LAMB4: variants seen among roughly 807,000 people sequenced by gnomAD.
The protein encoded by LAMB4 is laminin subunit beta 4.
In LAMB4, 196 loss-of-function variants were observed where a neutral mutation model predicts 199.2. That is an observed-to-expected ratio of 0.98 (90% CI 0.88 to 1.11). The LOEUF (loss-of-function observed/expected upper bound fraction) is 1.11, where lower values mean the gene tolerates loss of function less well. Among genes scored for constraint, LAMB4 ranks in the 50% least tolerant of loss-of-function variants. The probability of loss-of-function intolerance (pLI) is 0.00; values close to 1 mark genes in which losing one functional copy is unlikely to be tolerated. For synonymous variants in LAMB4, 744 were observed against 770.6 expected (o/e 0.97, Z 0.57); for missense variants, 2,080 against 2,171.2 (o/e 0.96, Z 0.83).
chr7:108,115,769 A>G (rs550908344), intron 3 of LAMB4, among the ~76,000 whole-genome samples: 1 of 152,344 alleles, frequency 6.6e-6, no homozygotes, highest in African/African-American at 2.4e-5. Flanking sequence ...GGTAGGTTAC[A>G]TGTAAATACT....
At chr7:108,095,430 G>T (rs557792837) in intron 11 of LAMB4, 93 bp from the exon 12 acceptor site, 13 of 903,104 alleles carry the variant, frequency 1.4e-5, no homozygotes, top group South Asian at 4.4e-5. Context: ...AAGCATAACC[G>T]CAAGAACACA....
intron 12 of LAMB4, 150 bp downstream of exon 12, chr7:108,095,078 T>C: frequency 3.3e-6 from 2 of 614,084 alleles, no homozygotes; most frequent in Non-Finnish European, 5.7e-6. Context: ...AGGTAGTGTT[T>C]GCTGATTTCT....
At chr7:108,118,313 G>A (rs956358366) in intron 2 of LAMB4, among the ~76,000 whole-genome samples, 4 of 152,006 alleles carry the variant, frequency 2.6e-5, no homozygotes, top group African/African-American at 9.7e-5. Flanking sequence ...AGAGGACCTA[G>A]AATGGCTAAA....
the LAMB4 span, among the ~76,000 whole-genome samples, chr7:108,012,161 A>G: frequency 6.6e-6 from 1 of 152,036 alleles, no homozygotes; most frequent in Admixed American, 6.5e-5. Context: ...TATAAATAAA[A>G]TATAAACATA....
intron 23 of LAMB4, among the ~76,000 whole-genome samples, chr7:108,058,594 A>G (rs1461326808): frequency 6.6e-6 from 1 of 152,182 alleles, no homozygotes; most frequent in Non-Finnish European, 1.5e-5. Flanking sequence ...ACAACTCCGT[A>G]AGTTTCCTGT....
At chr7:108,026,104 C>T (rs1338550571) in intron 33 of LAMB4, among the ~76,000 whole-genome samples, 9 of 152,168 alleles carry the variant, frequency 5.9e-5, no homozygotes, top group Admixed American at 6.5e-5. Flanking sequence ...GCTCTGGTAA[C>T]GTTCCTGCTT....
chr7:108,094,609 G>A (rs1276834199), intron 12 of LAMB4, among the ~76,000 whole-genome samples: 3 of 150,986 alleles, frequency 2.0e-5, no homozygotes, highest in African/African-American at 7.3e-5. Context: ...ATGTCATGGT[G>A]AGCTGCCAAG....
intron 31 of LAMB4, among the ~76,000 whole-genome samples, chr7:108,031,917 T>G (rs2035053255): frequency 6.6e-6 from 1 of 152,230 alleles, no homozygotes; most frequent in African/African-American, 2.4e-5. Flanking sequence ...TAAATATTTT[T>G]CAAATATAGC....
intron 16 of LAMB4, 93 bp downstream of exon 16, chr7:108,078,108 C>A (rs1458909228): frequency 2.4e-5 from 19 of 802,782 alleles, no homozygotes; most frequent in Non-Finnish European, 3.4e-5. Context: ...TTCAGACCTC[C>A]TCTTTCTCCA....
At chr7:108,093,958 C>G (rs1198575421) in intron 12 of LAMB4, among the ~76,000 whole-genome samples, 1 of 152,216 alleles carries the variant, frequency 6.6e-6, no homozygotes, top group Non-Finnish European at 1.5e-5. Flanking sequence ...GGAACTGCTT[C>G]CCACAGGATG....
chr7:108,055,900 G>C lies in LAMB4; in HGVS notation c.3487C>G (p.Arg1163Gly). Reference protein sequence around the residue: ...VSGQRCDRCARGHSQEFPTCL... With the variant: ...VSGQRCDRCAGGHSQEFPTCL... ...GTAGGGAATTCCTGGCTGTGTCCCC[G>C]GGCACAGCGATCACATCTCTGGCCG... Residue 1163 changes from arginine (R) to glycine (G), a missense_variant, in exon 25 of 34, where the codon CGG becomes GGG. Coordinates refer to ENST00000388781, the MANE Select transcript of LAMB4 (RefSeq NM_007356.3). 1.9e-6 allele frequency: 3 copies of C among 1,614,136 alleles called. No individual in the cohort carries two copies. The highest frequency in any genetic ancestry group is 2.5e-6 in the Non-Finnish European group (3 of 1,180,030).
chr7:108,086,473 A>T (rs1159016550), intron 14 of LAMB4, among the ~76,000 whole-genome samples: 6 of 152,172 alleles, frequency 3.9e-5, no homozygotes, highest in Non-Finnish European at 8.8e-5. Flanking sequence ...ACTGAAAAAA[A>T]TTTCACAAAA....
chr7:108,101,523 C>A (rs1404210456), intron 10 of LAMB4, among the ~76,000 whole-genome samples: 1 of 152,170 alleles, frequency 6.6e-6, no homozygotes, highest in Non-Finnish European at 1.5e-5. Context: ...AGTCTTTTGT[C>A]TTTGGCCCAA....
the LAMB4 span, among the ~76,000 whole-genome samples, chr7:108,014,705 T>G: frequency 6.6e-6 from 1 of 151,044 alleles, no homozygotes; most frequent in African/African-American, 2.5e-5. Context: ...GATTGAAGAC[T>G]AGAACTGGTT....
intron 6 of LAMB4, among the ~76,000 whole-genome samples, chr7:108,106,896 G>C (rs2038038852): frequency 1.3e-5 from 2 of 152,110 alleles, no homozygotes; most frequent in South Asian, 4.1e-4. Context: ...AAGAGACCCT[G>C]ATCTTACAAG....
At chr7:108,018,472 T>G in the LAMB4 span, among the ~76,000 whole-genome samples, 15 of 152,032 alleles carry the variant, frequency 9.9e-5, no homozygotes, top group South Asian at 6.3e-4. Flanking sequence ...AGGCGCGGTG[T>G]CTCATGCCTG....
At chr7:108,076,035 T>G (rs1393287646) in intron 17 of LAMB4, 2 of 153,438 alleles carry the variant, frequency 1.3e-5, no homozygotes, top group East Asian at 1.9e-4. Context: ...CATAACACCT[T>G]AGGTAAAGTA....
chr7:108,121,452 A>C (rs528775331), intron 2 of LAMB4, among the ~76,000 whole-genome samples: 1 of 152,324 alleles, frequency 6.6e-6, no homozygotes, highest in East Asian at 1.9e-4. Context: ...TGGGTGAGAA[A>C]AAATACCAAG....
intron 2 of LAMB4, among the ~76,000 whole-genome samples, chr7:108,116,480 A>G (rs576667408): frequency 1.3e-5 from 2 of 152,232 alleles, no homozygotes; most frequent in South Asian, 4.1e-4. Flanking sequence ...CGAGAATAAT[A>G]CACTTGAAAG....
Sources: allele counts gnomAD v4.1 joint callset (sites outside exome capture counted in the v4.1 genomes callset), GRCh38; gene constraint gnomAD v4.1.1; transcripts MANE v1.5; gene names NCBI Gene and HGNC (gene_info 2026-07-23, HGNC 2026-07-21).